Variants in CAPN7 observed in about 807,000 individuals in gnomAD.
The protein encoded by CAPN7 is calpain 7, also known as calpain-7.
CAPN7 carries 72 observed loss-of-function variants against 115.2 expected under a neutral mutation model. The observed-to-expected ratio is 0.63, with a 90% CI of 0.52 to 0.76. CAPN7 has a LOEUF of 0.76. Among genes scored for constraint, CAPN7 ranks in the 30% least tolerant of loss-of-function variants. CAPN7 has a pLI of 0.00. For missense variants in CAPN7, 905 were observed against 971.5 expected (o/e 0.93, Z 0.91); for synonymous variants, 344 against 322.3 (o/e 1.07, Z -0.72).
chr3:15,221,229 G>T (rs771819568), intron 5 of CAPN7, among the ~76,000 whole-genome samples: 1 of 151,830 alleles, frequency 6.6e-6, no homozygotes, highest in Non-Finnish European at 1.5e-5. Flanking sequence ...GTTCAGGCTG[G>T]AGTGCAGTGG....
rs1340066454 is a variant in CAPN7 at position 15,227,851 on chromosome 3, C to T, written c.738C>T (p.Gly246=). 1.3e-6 allele frequency: 2 copies of T among 1,519,470 alleles called. No individual in the cohort carries two copies. Among genetic ancestry groups the T allele is most frequent in the Non-Finnish European group, 1.8e-6 (2 of 1,132,086 alleles). 94.1% of individuals were successfully genotyped at this position (1,519,470 alleles called of 1,614,324 possible). A position where few individuals can be genotyped will look rare whatever the true frequency, so the allele number is the denominator to read the frequency against. The change falls in exon 7 of 21, where the codon GGC becomes GGT. Residue 246 remains glycine (G), a synonymous_variant. Transcript: ENST00000253693. ...AYPMPFCDRW[G]KLPLSPKQKT... ...ATTATTACCTCAGTGATAGATGGGG[C>T]AAGCTACCATTATCACCTAAACAAA...
rs563625396 is a variant in CAPN7, at chr3:15,220,560, A to ATGT, written c.438-220_438-218dup. Among the ~76,000 whole-genome samples the ATGT allele has an allele frequency of 4.6e-5, 7 of 152,332 alleles. No individual in the cohort carries two copies. The East Asian group carries it at 1.3e-3, about 29-fold the overall frequency. ...ACCTTACCTTGTATGGTGTCTGATT[A>ATGT]TGTAAGTGCTTAATTAATGTTGTCA... On this transcript the variant is annotated intron_variant, in intron 4 of 20. Transcript: ENST00000253693.
intron 1 of CAPN7, among the ~76,000 whole-genome samples, chr3:15,207,776 G>A (rs895730064): frequency 2.6e-5 from 4 of 151,874 alleles, no homozygotes; most frequent in East Asian, 1.9e-4. Context: ...GCAATAACAG[G>A]AATGAAACTG....
At chr3:15,211,685 A>T (rs1374967461) in intron 1 of CAPN7, among the ~76,000 whole-genome samples, 1 of 152,116 alleles carries the variant, frequency 6.6e-6, no homozygotes, top group Non-Finnish European at 1.5e-5. Context: ...ACTTGAGGCC[A>T]GGAGTTCAAG....
chr3:15,234,522 G>T (rs1292479176), intron 11 of CAPN7, among the ~76,000 whole-genome samples: 1 of 152,080 alleles, frequency 6.6e-6, no homozygotes, highest in Non-Finnish European at 1.5e-5. Flanking sequence ...ATTAGAATAT[G>T]TAATATAGAA....
intron 18 of CAPN7, 51 bp from the exon 19 acceptor site, chr3:15,247,276 G>A (rs375072589): frequency 1.2e-5 from 15 of 1,253,100 alleles, no homozygotes; most frequent in Non-Finnish European, 1.6e-5. Flanking sequence ...TTGTCTTTAA[G>A]TGGAATTGGA....
chr3:15,216,202 T>C (rs1669083562), intron 2 of CAPN7, among the ~76,000 whole-genome samples: 1 of 152,262 alleles, frequency 6.6e-6, no homozygotes, highest in Admixed American at 6.5e-5. Context: ...TGTTTAACTT[T>C]TTGAGGAACT....
At chr3:15,211,277 AT>A (rs1165727814) in intron 1 of CAPN7, among the ~76,000 whole-genome samples, 2 of 152,026 alleles carry the variant, frequency 1.3e-5, no homozygotes, top group Non-Finnish European at 2.9e-5. Context: ...CTCAATTCAT[AT>A]TTTTTTGCGT....
At chr3:15,215,081 G>A (rs1284159228) in intron 2 of CAPN7, among the ~76,000 whole-genome samples, 1 of 152,122 alleles carries the variant, frequency 6.6e-6, no homozygotes, top group Non-Finnish European at 1.5e-5. Flanking sequence ...TTTCATCAAT[G>A]GAATTAGTAT....
At chr3:15,209,952 A>G (rs1360028741) in intron 1 of CAPN7, among the ~76,000 whole-genome samples, 9 of 152,250 alleles carry the variant, frequency 5.9e-5, no homozygotes, top group Admixed American at 5.9e-4. Context: ...AGTTTTGAAT[A>G]TAAATGAAAT....
intron 6 of CAPN7, among the ~76,000 whole-genome samples, chr3:15,226,463 A>G (rs951018291): frequency 6.6e-6 from 1 of 152,180 alleles, no homozygotes; most frequent in Non-Finnish European, 1.5e-5. Context: ...ATATTATGGA[A>G]TCTTGGATTT....
chr3:15,229,027 T>C lies in CAPN7; in HGVS notation c.906T>C (p.Tyr302=), dbSNP rs200229097. The change falls in exon 8 of 21, where the codon TAT becomes TAC. Residue 302 remains tyrosine (Y), a synonymous_variant. Transcript: ENST00000253693. Reference sequence around the variant, plus strand: ...CATCACTGGCCATCAGTGCAGCTTATGAAAGACGTTTTAATAAGAAGTTAA... The same window carrying C: ...CATCACTGGCCATCAGTGCAGCTTACGAAAGACGTTTTAATAAGAAGTTAA... The part of the protein sequence containing the change: ...FVASLAISAA[Y]ERRFNKKLIT... 2 of 1,613,724 alleles carry C rather than the reference T, an allele frequency of 1.2e-6. No homozygotes were observed. The highest frequency in any genetic ancestry group is 4.5e-5 in the East Asian group (2 of 44,862).
chr3:15,221,820 A>T (rs1016548417), intron 5 of CAPN7, among the ~76,000 whole-genome samples: 4 of 151,880 alleles, frequency 2.6e-5, no homozygotes, highest in African/African-American at 9.7e-5. Flanking sequence ...AAATACAAAA[A>T]ATAGCTGGGT....
chr3:15,219,395 C>T (rs1455147583), intron 4 of CAPN7, among the ~76,000 whole-genome samples: 1 of 152,186 alleles, frequency 6.6e-6, no homozygotes. Context: ...CCAAGCCCTT[C>T]TTTTTTTAAC....
intron 19 of CAPN7, 122 bp downstream of exon 19, chr3:15,247,579 T>C (rs1296223404): frequency 4.5e-6 from 3 of 668,020 alleles, no homozygotes; most frequent in Admixed American, 6.5e-5. Flanking sequence ...AATGGCATTA[T>C]AGTGGAGTGA....
At chr3:15,211,965 GA>G (rs2044979966) in intron 1 of CAPN7, 138 bp from the exon 2 acceptor site, 2 of 471,354 alleles carry the variant, frequency 4.2e-6, no homozygotes, top group East Asian at 7.0e-5. Context: ...ACTACTTTAT[GA>G]AAAAAATTAC....
At chr3:15,207,725 T>C (rs1043657618) in intron 1 of CAPN7, among the ~76,000 whole-genome samples, 1 of 152,010 alleles carries the variant, frequency 6.6e-6, no homozygotes, top group African/African-American at 2.4e-5. Context: ...AATATTACTG[T>C]CTTCCACCTC....
intron 1 of CAPN7, among the ~76,000 whole-genome samples, chr3:15,208,212 T>A (rs2044739219): frequency 1.4e-5 from 2 of 144,598 alleles, no homozygotes; most frequent in South Asian, 4.2e-4. Flanking sequence ...TGTATATGCT[T>A]TTTTTTTTTT....
rs759958365 is a variant in CAPN7 at position 15,217,444 on chromosome 3, T to A, written c.231T>A (p.Asp77Glu). The change falls in exon 3 of 21, where the codon GAT (aspartate) becomes GAA (glutamate). Residue 77 changes from aspartate to glutamate, a missense_variant. Asp to Glu is a conservative substitution (Grantham distance 45). This residue lies in a region of CAPN7 where 271 missense variants were observed against 239.6 expected (regional missense o/e 1.13). Coordinates refer to ENST00000253693, the MANE Select transcript of CAPN7 (RefSeq NM_014296.3). ...LHSAVQSKSADPLKSKHQLDL... is the reference protein window; with the variant it reads ...LHSAVQSKSAEPLKSKHQLDL... ...TCCTAGTTCAGTCAAAGAGTGCTGA[T>A]CCTTTGAAGTCAAAACATCAGTTGG... The A allele has an allele frequency of 6.2e-7, 1 of 1,613,410 alleles. No individual in the cohort carries two copies. The highest frequency in any genetic ancestry group is 1.7e-5 in the Admixed American group (1 of 59,942).
Sources: allele counts gnomAD v4.1 joint callset (sites outside exome capture counted in the v4.1 genomes callset), GRCh38; gene constraint gnomAD v4.1.1; regional missense constraint gnomAD v4.1.1; transcripts MANE v1.5; gene names NCBI Gene and HGNC (gene_info 2026-07-23, HGNC 2026-07-21).